RUNX1: variants seen among roughly 807,000 people sequenced by gnomAD.
RUNX1 encodes the protein runt-related transcription factor 1.
RUNX1 carries 19 observed loss-of-function variants against 42.8 expected under a neutral mutation model. The ratio of observed to expected loss-of-function variants is 0.44; its 90% CI spans 0.31 to 0.65. The LOEUF is 0.65. Ranked by LOEUF, RUNX1 falls within the 30% of genes least tolerant of loss-of-function variation. The pLI is 0.07. For synonymous variants in RUNX1, 271 were observed against 289.4 expected (o/e 0.94, Z 0.64); for missense variants, 528 against 672.0 (o/e 0.79, Z 2.37).
In RUNX1 at chr21:34,834,592, T is replaced by C. The variant is rs777320434; in HGVS notation, c.623A>G (p.Gln208Arg). Residue 208 changes from glutamine to arginine, a missense_variant, in exon 7 of 9, where the codon CAG (glutamine) becomes CGG (arginine). Coordinates refer to ENST00000675419, the MANE Select transcript of RUNX1 (RefSeq NM_001754.5). ...DGPREPRRHR[Q>R]KLDDQTKPGS... The stretch of plus-strand genomic sequence containing the variant: ...GGGCTTGGTCTGATCATCTAGTTTC[T>C]GCCGATGTCCTATTGTGGGGAGCAG... 6.7e-7 allele frequency: 1 copy of C among 1,499,646 alleles called. No individual in the cohort carries two copies. Among genetic ancestry groups the C allele is most frequent in the Non-Finnish European group, 9.0e-7 (1 of 1,113,418 alleles). 92.9% of individuals were successfully genotyped at this position (1,499,646 alleles called of 1,614,324 possible).
chr21:34,947,821 TTCC>T (rs1429590302), intron 2 of RUNX1, among the ~76,000 whole-genome samples: 1 of 152,226 alleles, frequency 6.6e-6, no homozygotes, highest in Admixed American at 6.5e-5. Flanking sequence ...GCCAAAGTGT[TTCC>T]TCTGAGGTCC....
At chr21:34,851,802 G>A (rs2057422972) in intron 6 of RUNX1, among the ~76,000 whole-genome samples, 1 of 152,060 alleles carries the variant, frequency 6.6e-6, no homozygotes, top group African/African-American at 2.4e-5. Context: ...CATCTCTTTG[G>A]GTTTTCACAT....
intron 7 of RUNX1, among the ~76,000 whole-genome samples, chr21:34,831,785 C>G (rs1383092163): frequency 6.6e-6 from 1 of 152,104 alleles, no homozygotes; most frequent in Non-Finnish European, 1.5e-5. Flanking sequence ...CAAGAACAAA[C>G]TGAAGGTCTT....
rs185955166 is a variant in RUNX1, at chr21:34,804,125, G to A, written c.806-4663C>T. On this transcript the variant is annotated intron_variant, in intron 7 of 8. Transcript: ENST00000675419. ...AATCATAGTGAGGTCTGCTTGCTGG[G>A]AGCAGAATTTCTGAATTCATAAACT... 2.5e-3 allele frequency among the ~76,000 whole-genome samples: 381 copies of A among 152,298 alleles called. 1 individual carries two copies. The highest frequency in any genetic ancestry group is 4.2e-3 in the Non-Finnish European group (288 of 68,020).
intron 8 of RUNX1, among the ~76,000 whole-genome samples, chr21:34,795,848 G>A (rs556938161): frequency 3.3e-4 from 50 of 152,290 alleles, no homozygotes; most frequent in African/African-American, 1.1e-3. Flanking sequence ...GGAGAAGCTG[G>A]GACAGGAGGA....
In RUNX1 at chr21:34,867,912, C is replaced by A. The variant is rs1207911006; in HGVS notation, c.509-8334G>T. Among the ~76,000 whole-genome samples the A allele has an allele frequency of 2.0e-5, 3 of 152,162 alleles. No individual in the cohort carries two copies. In the East Asian group the frequency reaches 5.8e-4, roughly 29 times the overall value. On this transcript the variant is annotated intron_variant, in intron 5 of 8. Coordinates refer to ENST00000675419, the MANE Select transcript of RUNX1 (RefSeq NM_001754.5). ...GTGTTTGGGCTGGGGTCACACAGGG[C>A]AAGTGACCAAAGTGACCTCCTGGGC...
chr21:34,917,112 A>G (rs949214634), intron 2 of RUNX1, among the ~76,000 whole-genome samples: 19 of 152,176 alleles, frequency 1.2e-4, no homozygotes, highest in Admixed American at 1.3e-4. Flanking sequence ...TCCCATGGGC[A>G]GGTGGGCATC....
chr21:34,857,696 G>C lies in RUNX1; in HGVS notation c.613+1778C>G, dbSNP rs938737777. On this transcript the variant is annotated intron_variant, in intron 6 of 8. Coordinates refer to ENST00000675419, the MANE Select transcript of RUNX1 (RefSeq NM_001754.5). ...TAACAACTGCCTCCCTCCCAGCCAGGCCCCTTGCCATAATTCAAGCCTGCT... is the reference window on the plus strand; with the variant it reads ...TAACAACTGCCTCCCTCCCAGCCAGCCCCCTTGCCATAATTCAAGCCTGCT... 9.7e-4 allele frequency among the ~76,000 whole-genome samples: 147 copies of C among 152,102 alleles called. 8 individuals carry two copies. Among genetic ancestry groups the C allele is most frequent in the Non-Finnish European group, 2.9e-5 (2 of 68,020 alleles).
At chr21:34,836,148 C>T (rs2057143165) in intron 6 of RUNX1, among the ~76,000 whole-genome samples, 1 of 152,182 alleles carries the variant, frequency 6.6e-6, no homozygotes. Flanking sequence ...TGCAATGGCC[C>T]CTCTTGTCAT....
intron 6 of RUNX1, among the ~76,000 whole-genome samples, chr21:34,852,982 C>T (rs1056123461): frequency 1.3e-5 from 2 of 152,200 alleles, no homozygotes; most frequent in Admixed American, 6.5e-5. Flanking sequence ...TCTTTTCATC[C>T]CCCCGGCGGC....
rs1201735739 is a variant in RUNX1 at position 34,818,143 on chromosome 21, CAA to C, written c.805+16265_805+16266del. On this transcript the variant is annotated intron_variant, in intron 7 of 8. Transcript: ENST00000675419. ...AGGCGCCCTCAGTGTGCAAAGAGCT[CAA>C]GTTTCAGTGCTGGGGTGGGGTGGGG... Among the ~76,000 whole-genome samples the C allele has an allele frequency of 5.3e-5, 8 of 152,184 alleles. No individual in the cohort carries two copies. The East Asian group carries it at 1.5e-3, about 29-fold the overall frequency.
At chr21:34,897,891 G>A (rs1202940891) in intron 2 of RUNX1, among the ~76,000 whole-genome samples, 2 of 152,056 alleles carry the variant, frequency 1.3e-5, no homozygotes, top group Non-Finnish European at 2.9e-5. Context: ...TTTTGCATAT[G>A]TAATTAAGGT....
chr21:34,799,549 C>A, intron 7 of RUNX1, 87 bp from the exon 8 acceptor site: 1 of 1,196,108 alleles, frequency 8.4e-7, no homozygotes, highest in South Asian at 1.3e-5. Context: ...GGCCCTTGTT[C>A]AAATATGTCA....
intron 7 of RUNX1, among the ~76,000 whole-genome samples, chr21:34,828,212 A>G (rs898426342): frequency 6.6e-6 from 1 of 152,190 alleles, no homozygotes; most frequent in Non-Finnish European, 1.5e-5. Context: ...GAGTCAAAGG[A>G]GATTATTCTC....
At chr21:34,908,742 T>A (rs1020088160) in intron 2 of RUNX1, among the ~76,000 whole-genome samples, 1 of 152,188 alleles carries the variant, frequency 6.6e-6, no homozygotes. Flanking sequence ...AAGTCTTTTG[T>A]GTTTGTTTTA....
In RUNX1 at chr21:34,930,189, C is replaced by CATATATATTATATATACATATATACATGT. The variant is rs1008401533; in HGVS notation, c.59-37255_59-37227dup. ...AAATTTCAAAAAATACATACATATA[C>CATATATATTATATATACATATATACATGT]ATATATATTATATATACATATATAC... is the stretch of plus-strand genomic sequence containing the variant. On this transcript the variant is annotated intron_variant, in intron 2 of 8. Coordinates refer to ENST00000675419, the MANE Select transcript of RUNX1 (RefSeq NM_001754.5). 3.4e-3 allele frequency among the ~76,000 whole-genome samples: 442 copies of CATATATATTATATATACATATATACATGT among 130,982 alleles called. 1 individual carries two copies. Among genetic ancestry groups the CATATATATTATATATACATATATACATGT allele is most frequent in the African/African-American group, 0.011 (399 of 35,234 alleles). 85.9% of individuals were successfully genotyped at this position (130,982 alleles called of 152,430 possible).
chr21:34,957,715 C>T (rs1024394510), intron 2 of RUNX1, among the ~76,000 whole-genome samples: 2 of 152,140 alleles, frequency 1.3e-5, no homozygotes, highest in East Asian at 3.8e-4. Flanking sequence ...TGCAAGGATC[C>T]CGGAATGAGG....
intron 2 of RUNX1, among the ~76,000 whole-genome samples, chr21:34,948,101 G>T (rs531166468): frequency 6.3e-4 from 75 of 119,602 alleles, no homozygotes; most frequent in African/African-American, 1.9e-3. Context: ...TTTTTTTTTT[G>T]GGGGGGGGTT....
chr21:34,794,074 A>AT (rs2056490203), intron 8 of RUNX1, among the ~76,000 whole-genome samples: 1 of 152,170 alleles, frequency 6.6e-6, no homozygotes. Context: ...ATATATTAAT[A>AT]TACCAATAAT....
Sources: allele counts gnomAD v4.1 joint callset (sites outside exome capture counted in the v4.1 genomes callset), GRCh38; gene constraint gnomAD v4.1.1; transcripts MANE v1.5; gene names NCBI Gene and HGNC (gene_info 2026-07-23, HGNC 2026-07-21).